The following FOXP1 variants were observed in gnomAD, a reference collection of about 807,000 sequenced individuals.
The protein encoded by FOXP1 is forkhead box P1.
Under a neutral mutation model 98.2 loss-of-function variants are expected in FOXP1, and 15 were observed. The observed-to-expected ratio is 0.15, with a 90% CI of 0.10 to 0.24. The LOEUF (loss-of-function observed/expected upper bound fraction) is 0.24, where lower values mean the gene tolerates loss of function less well. Among genes scored for constraint, FOXP1 ranks in the 10% least tolerant of loss-of-function variants. The pLI is 1.00. For synonymous variants in FOXP1, 371 were observed against 314.5 expected (o/e 1.18, Z -1.90); for missense variants, 633 against 848.5 (o/e 0.75, Z 3.15).
chr3:71,159,967 G>C lies in FOXP1; in HGVS notation c.180+38235C>G, dbSNP rs181727181. Among the ~76,000 whole-genome samples the C allele has an allele frequency of 1.1e-4, 17 of 152,224 alleles. No individual in the cohort carries two copies. The East Asian group carries it at 3.1e-3, about 28-fold the overall frequency. Reference sequence around the variant, plus strand: ...TGAATTACAGATTAAGTGTAGAACTGTCATGCACATGTGCTAAATTCAAGC... The same window carrying C: ...TGAATTACAGATTAAGTGTAGAACTCTCATGCACATGTGCTAAATTCAAGC... On this transcript the variant is annotated intron_variant, in intron 6 of 20. Coordinates refer to ENST00000649528, the MANE Select transcript of FOXP1 (RefSeq NM_001349338.3).
chr3:71,303,393 C>T (rs568362009), intron 4 of FOXP1, among the ~76,000 whole-genome samples: 1 of 152,254 alleles, frequency 6.6e-6, no homozygotes, highest in East Asian at 1.9e-4. Flanking sequence ...CTAGAGGACA[C>T]TTTCTTACTA....
intron 3 of FOXP1, among the ~76,000 whole-genome samples, chr3:71,369,993 G>T (rs1409761812): frequency 1.3e-5 from 2 of 152,150 alleles, no homozygotes; most frequent in African/African-American, 4.8e-5. Flanking sequence ...AAAAGATTTC[G>T]TGGAAGAAAT....
At chr3:71,171,775 C>G (rs2061666771) in intron 6 of FOXP1, among the ~76,000 whole-genome samples, 2 of 152,228 alleles carry the variant, frequency 1.3e-5, no homozygotes, top group South Asian at 2.1e-4. Context: ...TATTGACACA[C>G]AGGGCTGGGG....
chr3:71,498,323 A>AG (rs747797810), intron 2 of FOXP1, among the ~76,000 whole-genome samples: 20 of 152,202 alleles, frequency 1.3e-4, no homozygotes, highest in Non-Finnish European at 2.5e-4. Flanking sequence ...AAAAGTCTGC[A>AG]GGGAGCTAGA....
At chr3:71,350,409 T>G (rs2077701112) in intron 4 of FOXP1, among the ~76,000 whole-genome samples, 1 of 152,180 alleles carries the variant, frequency 6.6e-6, no homozygotes, top group Non-Finnish European at 1.5e-5. Context: ...TACACCAGTA[T>G]TCTTGTAGCT....
intron 5 of FOXP1, among the ~76,000 whole-genome samples, chr3:71,246,975 C>A (rs2067798748): frequency 6.6e-6 from 1 of 152,084 alleles, no homozygotes; most frequent in Non-Finnish European, 1.5e-5. Flanking sequence ...ATAAATAAAT[C>A]AATACATTCA....
At chr3:71,411,132 T>C (rs986864772) in intron 3 of FOXP1, among the ~76,000 whole-genome samples, 3 of 152,200 alleles carry the variant, frequency 2.0e-5, no homozygotes, top group African/African-American at 7.2e-5. Flanking sequence ...ATATACACGC[T>C]TATTACCCTT....
At chr3:71,383,555 G>A (rs1010226959) in intron 3 of FOXP1, among the ~76,000 whole-genome samples, 1 of 152,162 alleles carries the variant, frequency 6.6e-6, no homozygotes, top group Non-Finnish European at 1.5e-5. Flanking sequence ...AGTCAAAATA[G>A]GTAAAACCTT....
chr3:71,480,585 G>C (rs1178250946), intron 3 of FOXP1, among the ~76,000 whole-genome samples: 1 of 152,194 alleles, frequency 6.6e-6, no homozygotes, highest in African/African-American at 2.4e-5. Context: ...ATATCTCTAT[G>C]ACTATTGGTG....
chr3:71,223,324 A>G (rs375723763), intron 5 of FOXP1, among the ~76,000 whole-genome samples: 368 of 6,724 alleles, frequency 0.055, 1 homozygote, highest in African/African-American at 0.29. Flanking sequence ...CTCCTCTTGG[A>G]GGCACTTTTT....
intron 4 of FOXP1, among the ~76,000 whole-genome samples, chr3:71,341,922 T>A (rs1437706046): frequency 6.6e-6 from 1 of 152,214 alleles, no homozygotes; most frequent in African/African-American, 2.4e-5. Flanking sequence ...TGGTAGAACA[T>A]GCATGAGTCG....
intron 5 of FOXP1, among the ~76,000 whole-genome samples, chr3:71,255,451 G>T (rs537914845): frequency 2.0e-5 from 3 of 152,020 alleles, no homozygotes; most frequent in Non-Finnish European, 4.4e-5. Flanking sequence ...TTTACATTTT[G>T]ATTTTATTAT....
At chr3:71,113,941 G>C (rs1004968708) in intron 6 of FOXP1, among the ~76,000 whole-genome samples, 2 of 151,958 alleles carry the variant, frequency 1.3e-5, no homozygotes, top group Non-Finnish European at 2.9e-5. Flanking sequence ...TGAAAAGTTG[G>C]GTTACTTGAG....
At chr3:71,362,297 G>A (rs1262521823) in intron 3 of FOXP1, among the ~76,000 whole-genome samples, 1 of 151,792 alleles carries the variant, frequency 6.6e-6, no homozygotes, top group Non-Finnish European at 1.5e-5. Flanking sequence ...TCAGCCTCCC[G>A]AGCACCTGGG....
intron 2 of FOXP1, chr3:71,571,539 G>T (rs889299387): frequency 2.0e-5 from 3 of 152,016 alleles, no homozygotes; most frequent in Non-Finnish European, 4.4e-5. Context: ...AGTTGTCTAG[G>T]AGGAAAAAAA....
chr3:71,218,070 C>G (rs1048467988), intron 5 of FOXP1, among the ~76,000 whole-genome samples: 1 of 152,156 alleles, frequency 6.6e-6, no homozygotes, highest in Non-Finnish European at 1.5e-5. Context: ...TACTAATGAG[C>G]GGAGGTGACT....
At chr3:71,434,504 A>T (rs75029923) in intron 3 of FOXP1, among the ~76,000 whole-genome samples, 1,549 of 152,288 alleles carry the variant, frequency 0.01, 28 homozygotes, top group African/African-American at 0.035. Context: ...ATGCACATAC[A>T]TATTATGTAC....
intron 2 of FOXP1, among the ~76,000 whole-genome samples, chr3:71,532,165 T>C (rs2043907672): frequency 6.6e-6 from 1 of 152,200 alleles, no homozygotes; most frequent in Non-Finnish European, 1.5e-5. Flanking sequence ...AGTGGCGTGA[T>C]CTTGGCTAAC....
chr3:71,487,170 A>G (rs2090718109), intron 3 of FOXP1, among the ~76,000 whole-genome samples: 1 of 152,040 alleles, frequency 6.6e-6, no homozygotes, highest in Non-Finnish European at 1.5e-5. Context: ...AAAAAAAAAC[A>G]CTACAAAACT....
Sources: gnomAD v4.1 joint callset for allele counts (sites outside exome capture counted in the v4.1 genomes callset) on GRCh38, gnomAD v4.1.1 for gene constraint, MANE v1.5 for transcripts, NCBI Gene and HGNC (gene_info 2026-07-23, HGNC 2026-07-21) for gene names.